Variants in ABCA13 observed in about 807,000 individuals in gnomAD.
ABCA13 encodes ATP binding cassette subfamily A member 13, also known as ATP-binding cassette sub-family A member 13.
Under a neutral mutation model 478.7 loss-of-function variants are expected in ABCA13, and 476 were observed. That is an observed-to-expected ratio of 0.99 (90% CI 0.92 to 1.07). The LOEUF (loss-of-function observed/expected upper bound fraction) is 1.07. Among genes scored for constraint, ABCA13 ranks in the 50% least tolerant of loss-of-function variants. ABCA13 has a pLI of 0.00. For synonymous variants in ABCA13, 2,252 were observed against 2,158.9 expected, an observed-to-expected ratio of 1.04 and a Z score of -1.20; for missense variants, 6,060 against 5,910.6, an observed-to-expected ratio of 1.03 and a Z score of -0.83.
intron 7 of ABCA13, among the ~76,000 whole-genome samples, chr7:48,233,004 A>G (rs1457800791): frequency 1.3e-5 from 2 of 152,240 alleles, no homozygotes; most frequent in South Asian, 2.1e-4. Flanking sequence ...TCAACATACA[A>G]TAAATGCTGG....
At position 48,273,293 on chromosome 7, in the gene ABCA13, A is replaced by G. The variant is rs1485579572; in HGVS notation, c.3627A>G (p.Ile1209Met). ...CCACCCATAATGTTGCTAGACTCATATTAAATTTGTTTAAAAATGTAACTC... is the reference window on the plus strand; with the variant it reads ...CCACCCATAATGTTGCTAGACTCATGTTAAATTTGTTTAAAAATGTAACTC... The part of the protein sequence containing the change: ...ILPTHNVARL[I>M]LNLFKNVTQA... The change falls in exon 17 of 62, where the codon ATA becomes ATG. Residue 1209 changes from isoleucine to methionine, a missense_variant. This residue lies in a region of ABCA13 where 4,423 missense variants were observed against 4,309.1 expected (regional missense o/e 1.03). Coordinates refer to ENST00000435803, the MANE Select transcript of ABCA13 (RefSeq NM_152701.5). 2 of 1,613,538 alleles carry G rather than the reference A, an allele frequency of 1.2e-6. No individual in the cohort carries two copies. The highest frequency in any genetic ancestry group is 1.3e-5 in the African/African-American group (1 of 74,928).
chr7:48,645,326 C>A, intron 61 of ABCA13, 91 bp from the exon 62 acceptor site: 2 of 958,860 alleles, frequency 2.1e-6, no homozygotes, highest in Non-Finnish European at 3.1e-6. Context: ...GGCAAGTTGG[C>A]CAGTGTTCTG....
intron 42 of ABCA13, among the ~76,000 whole-genome samples, chr7:48,429,037 A>G (rs1251005296): frequency 2.6e-5 from 4 of 152,224 alleles, no homozygotes; most frequent in Admixed American, 1.3e-4. Context: ...ACATGGAATC[A>G]TAGTATGTGT....
intron 59 of ABCA13, among the ~76,000 whole-genome samples, chr7:48,632,397 G>A: frequency 6.6e-6 from 1 of 152,110 alleles, no homozygotes. Flanking sequence ...GCCCTTGAAA[G>A]CACAAACATG....
chr7:48,507,828 T>G, intron 49 of ABCA13, 44 bp from the exon 50 acceptor site: 1 of 1,531,142 alleles, frequency 6.5e-7, no homozygotes, highest in Non-Finnish European at 8.8e-7. Context: ...AGAAGGCTTG[T>G]GTTCTTCGTC....
intron 41 of ABCA13, among the ~76,000 whole-genome samples, chr7:48,423,007 G>A (rs944646532): frequency 2.6e-5 from 4 of 152,164 alleles, no homozygotes; most frequent in African/African-American, 9.7e-5. Flanking sequence ...TTAGGCTTCT[G>A]ACCCCCAGAA....
At chr7:48,438,133 T>C (rs10238327) in intron 42 of ABCA13, among the ~76,000 whole-genome samples, 45,106 of 151,820 alleles carry the variant, frequency 0.3, 6,746 homozygotes, top group East Asian at 0.37. Context: ...CACTAGTCCT[T>C]TGGGCACTCT....
chr7:48,465,003 C>T (rs1269314135), intron 43 of ABCA13, among the ~76,000 whole-genome samples: 2 of 152,056 alleles, frequency 1.3e-5, no homozygotes, highest in Admixed American at 6.5e-5. Context: ...TTGGAGATAC[C>T]GAGACAGAGG....
intron 55 of ABCA13, among the ~76,000 whole-genome samples, chr7:48,570,916 A>G (rs1213208325): frequency 2.0e-5 from 3 of 151,824 alleles, no homozygotes; most frequent in Non-Finnish European, 4.4e-5. Flanking sequence ...CTAAATAAGT[A>G]TTTTCTAACA....
rs141893298 is a variant in ABCA13 at position 48,378,896 on chromosome 7, G to A, written c.11335+2324G>A. Among the ~76,000 whole-genome samples the A allele has an allele frequency of 2.2e-3, 338 of 152,302 alleles. 1 individual carries two copies. Among genetic ancestry groups the A allele is most frequent in the African/African-American group, 7.9e-3 (330 of 41,558 alleles). On this transcript the variant is annotated intron_variant, in intron 35 of 61. Coordinates refer to ENST00000435803, the MANE Select transcript of ABCA13 (RefSeq NM_152701.5). ...TACACTGGATCCTACACCCTGCAAA[G>A]GGAAGCAAATGCAGTAGGACCTCAA...
chr7:48,642,760 G>T (rs558294792), intron 59 of ABCA13, among the ~76,000 whole-genome samples: 2 of 152,258 alleles, frequency 1.3e-5, no homozygotes, highest in South Asian at 4.2e-4. Flanking sequence ...AGCCCCTTAG[G>T]CAGGAGACTT....
chr7:48,417,395 G>T (rs530272953), intron 41 of ABCA13, among the ~76,000 whole-genome samples: 1 of 152,238 alleles, frequency 6.6e-6, no homozygotes, highest in Admixed American at 6.5e-5. Flanking sequence ...ACCCATGGTT[G>T]CCATGGGAAG....
chr7:48,581,166 T>A (rs913372632), intron 56 of ABCA13, among the ~76,000 whole-genome samples: 1 of 152,158 alleles, frequency 6.6e-6, no homozygotes, highest in African/African-American at 2.4e-5. Flanking sequence ...GAAGCAGAAA[T>A]AAGTGGCTTA....
Position 48,466,228 on chromosome 7 carries a change from A to G in ABCA13, c.12816-728A>G, listed in dbSNP as rs180700523. On this transcript the variant is annotated intron_variant, in intron 43 of 61. Coordinates refer to ENST00000435803, the MANE Select transcript of ABCA13 (RefSeq NM_152701.5). ...CTCAAGATTGTCTTATAATTGAGGT[A>G]TAAAATTTAATACAGGGTTTGTTTC... is the stretch of plus-strand genomic sequence containing the variant. Among the ~76,000 whole-genome samples, 719 of 152,336 alleles carry G rather than the reference A, an allele frequency of 4.7e-3. 7 individuals carry two copies. Among genetic ancestry groups the G allele is most frequent in the Admixed American group, 0.012 (179 of 15,304 alleles).
intron 25 of ABCA13, 62 bp downstream of exon 25, chr7:48,313,293 C>G: frequency 6.7e-7 from 1 of 1,492,000 alleles, no homozygotes; most frequent in Non-Finnish European, 9.0e-7. Context: ...TGTATTTGCC[C>G]CTTTTTGCCT....
At chr7:48,204,878 C>T (rs865941246) in intron 3 of ABCA13, among the ~76,000 whole-genome samples, 1 of 152,158 alleles carries the variant, frequency 6.6e-6, no homozygotes, top group African/African-American at 2.4e-5. Context: ...AGAGCTGGCC[C>T]AGGAGGGGTG....
chr7:48,307,830 G>A (rs1166871497), intron 23 of ABCA13, among the ~76,000 whole-genome samples: 2 of 151,926 alleles, frequency 1.3e-5, no homozygotes, highest in South Asian at 4.2e-4. Context: ...ACAGGTGTAC[G>A]CCACCATACC....
intron 55 of ABCA13, among the ~76,000 whole-genome samples, chr7:48,529,580 G>C (rs1833089549): frequency 2.0e-5 from 3 of 152,120 alleles, no homozygotes; most frequent in African/African-American, 7.2e-5. Context: ...TTTAAGAGAG[G>C]TTATATGTTC....
chr7:48,508,137 C>T, intron 50 of ABCA13, 88 bp downstream of exon 50: 1 of 1,557,352 alleles, frequency 6.4e-7, no homozygotes, highest in Non-Finnish European at 8.8e-7. Flanking sequence ...GCATTGGGGC[C>T]CTGGCTGCCT....
Sources: gnomAD v4.1 joint callset for allele counts (sites outside exome capture counted in the v4.1 genomes callset) on GRCh38, gnomAD v4.1.1 for gene constraint, gnomAD v4.1.1 regional missense constraint, MANE v1.5 for transcripts, NCBI Gene and HGNC (gene_info 2026-07-23, HGNC 2026-07-21) for gene names.